Variants in ELAPOR2 observed in about 807,000 individuals in gnomAD.
ELAPOR2 encodes endosome-lysosome associated apoptosis and autophagy regulator family member 2, also known as endosome/lysosome-associated apoptosis and autophagy regulator family member 2.
A neutral mutation model predicts 120.7 loss-of-function variants in ELAPOR2; 89 were observed. The observed-to-expected ratio is 0.74, with a 90% CI of 0.62 to 0.88. The LOEUF is 0.88. Among genes scored for constraint, ELAPOR2 ranks in the 40% least tolerant of loss-of-function variants. ELAPOR2 has a pLI of 0.00. For synonymous variants in ELAPOR2, 444 were observed against 444.9 expected (o/e 1.00, Z 0.03); for missense variants, 1,134 against 1,251.6 (o/e 0.91, Z 1.42).
intron 1 of ELAPOR2, among the ~76,000 whole-genome samples, chr7:86,996,844 T>C: frequency 1.3e-5 from 2 of 152,152 alleles, no homozygotes; most frequent in Non-Finnish European, 2.9e-5. Flanking sequence ...CAAACACTAA[T>C]CTTTTTATCC....
At chr7:86,897,414 T>C in intron 19 of ELAPOR2, 92 bp downstream of exon 19, 1 of 1,438,384 alleles carries the variant, frequency 7.0e-7, no homozygotes, top group South Asian at 1.4e-5. Context: ...AATACAAGCT[T>C]TTGCCATACT....
intron 8 of ELAPOR2, among the ~76,000 whole-genome samples, chr7:86,929,492 T>G (rs1214370423): frequency 6.6e-6 from 1 of 151,920 alleles, no homozygotes; most frequent in African/African-American, 2.4e-5. Context: ...CACTGGGCAC[T>G]CATCATTTGT....
intron 8 of ELAPOR2, among the ~76,000 whole-genome samples, chr7:86,937,200 C>T (rs1258052829): frequency 6.6e-6 from 1 of 151,918 alleles, no homozygotes; most frequent in Admixed American, 6.6e-5. Context: ...TTGCAATTTG[C>T]CACTAATTTA....
At chr7:86,947,148 G>C (rs1488576268) in intron 3 of ELAPOR2, among the ~76,000 whole-genome samples, 1 of 152,154 alleles carries the variant, frequency 6.6e-6, no homozygotes, top group Non-Finnish European at 1.5e-5. Flanking sequence ...CATATGAAAG[G>C]AAATGTTACA....
At chr7:86,899,773 A>G (rs1788627917) in intron 18 of ELAPOR2, among the ~76,000 whole-genome samples, 2 of 152,128 alleles carry the variant, frequency 1.3e-5, no homozygotes, top group South Asian at 2.1e-4. Context: ...GCCCTATGCC[A>G]TATGTCAGGG....
At chr7:87,033,457 TA>T (rs1321804687) in intron 1 of ELAPOR2, among the ~76,000 whole-genome samples, 1 of 152,038 alleles carries the variant, frequency 6.6e-6, no homozygotes, top group Non-Finnish European at 1.5e-5. Context: ...AATTAAAAGG[TA>T]AAGTGGTTGG....
intron 1 of ELAPOR2, among the ~76,000 whole-genome samples, chr7:87,019,529 A>G (rs1793975397): frequency 6.6e-6 from 1 of 152,200 alleles, no homozygotes; most frequent in South Asian, 2.1e-4. Context: ...AAAGTCATTA[A>G]GCAGGCATTC....
intron 11 of ELAPOR2, 89 bp downstream of exon 11, chr7:86,919,131 T>C: frequency 1.2e-6 from 1 of 818,408 alleles, no homozygotes; most frequent in Non-Finnish European, 2.0e-6. Flanking sequence ...AATATTAATA[T>C]GTTCCATAAA....
At chr7:86,949,756 C>T (rs1398806484) in intron 2 of ELAPOR2, among the ~76,000 whole-genome samples, 1 of 152,244 alleles carries the variant, frequency 6.6e-6, no homozygotes, top group Non-Finnish European at 1.5e-5. Context: ...CCACCTCAGC[C>T]TCCTCCAGAC....
intron 8 of ELAPOR2, among the ~76,000 whole-genome samples, chr7:86,932,814 A>G (rs544079278): frequency 1.3e-5 from 2 of 151,976 alleles, no homozygotes; most frequent in South Asian, 4.1e-4. Flanking sequence ...TCTTCTTTGC[A>G]AGTAATTATT....
chr7:86,899,329 G>T (rs937987330), intron 18 of ELAPOR2, among the ~76,000 whole-genome samples: 6 of 152,114 alleles, frequency 3.9e-5, no homozygotes, highest in African/African-American at 1.4e-4. Flanking sequence ...ATTAAAACTA[G>T]AGGAATTTAA....
rs554847375 is a variant in ELAPOR2, at chr7:86,937,153, C to T, written c.1089+973G>A. 2.6e-5 allele frequency among the ~76,000 whole-genome samples: 4 copies of T among 152,142 alleles called. No individual in the cohort carries two copies. In the South Asian group the frequency reaches 8.3e-4, roughly 31 times the overall value. On this transcript the variant is annotated intron_variant, in intron 8 of 21. Coordinates refer to ENST00000450689, the MANE Select transcript of ELAPOR2 (RefSeq NM_001142749.3). ...AGTTAACAGCTGTTAGTTTGAGTTACTGTTCTTACTGAAAGTAATAGTTGT... is the reference window on the plus strand; with the variant it reads ...AGTTAACAGCTGTTAGTTTGAGTTATTGTTCTTACTGAAAGTAATAGTTGT...
intron 2 of ELAPOR2, among the ~76,000 whole-genome samples, chr7:86,959,022 G>A (rs73384113): frequency 0.093 from 12,253 of 131,588 alleles, 592 homozygotes; most frequent in African/African-American, 0.17. Context: ...ATCATTTTCA[G>A]TGTACAAGTC....
chr7:87,058,858 G>C (rs993196062), intron 1 of ELAPOR2, among the ~76,000 whole-genome samples: 3 of 152,126 alleles, frequency 2.0e-5, no homozygotes, highest in African/African-American at 7.2e-5. Flanking sequence ...CTGAGGGCAG[G>C]GGAGTAGGAC....
At chr7:86,953,133 T>C (rs952026407) in intron 2 of ELAPOR2, among the ~76,000 whole-genome samples, 10 of 151,522 alleles carry the variant, frequency 6.6e-5, no homozygotes, top group Non-Finnish European at 1.5e-5. Context: ...ATTGATAGTT[T>C]AATTCAGGGA....
At chr7:86,898,757 C>T (rs1328415189) in intron 18 of ELAPOR2, among the ~76,000 whole-genome samples, 5 of 151,922 alleles carry the variant, frequency 3.3e-5, no homozygotes, top group East Asian at 1.9e-4. Flanking sequence ...TCAAGAGCAA[C>T]GCAATGAGTG....
chr7:86,926,784 ATGATCCATTG>A lies in ELAPOR2; in HGVS notation c.1212_1221del (p.Asn405LeufsTer43), dbSNP rs1471236549. 2 of 1,611,996 alleles carry A rather than the reference ATGATCCATTG, an allele frequency of 1.2e-6. No homozygotes were observed. The highest frequency in any genetic ancestry group is 3.3e-5 in the Admixed American group (2 of 59,780). On this transcript the variant is annotated frameshift_variant, in exon 9 of 22. Coordinates refer to ENST00000450689, the MANE Select transcript of ELAPOR2 (RefSeq NM_001142749.3). LOFTEE classifies it high-confidence loss of function. ...CCAGGAGGACAGGGATGGCAAGAAG[ATGATCCATTG>A]TTATAAAATCCAGGGTTGCAAGGCG...
chr7:86,949,217 A>C (rs1791131317), intron 2 of ELAPOR2, among the ~76,000 whole-genome samples: 1 of 152,242 alleles, frequency 6.6e-6, no homozygotes, highest in Non-Finnish European at 1.5e-5. Flanking sequence ...CTGGCTACAT[A>C]GTCAAAACTG....
At chr7:86,950,617 C>A (rs550001908) in intron 2 of ELAPOR2, among the ~76,000 whole-genome samples, 1 of 152,334 alleles carries the variant, frequency 6.6e-6, no homozygotes, top group Admixed American at 6.5e-5. Context: ...TTGCTCCCCC[C>A]ACCGCAGCTG....
Sources: gnomAD v4.1 joint callset for allele counts (sites outside exome capture counted in the v4.1 genomes callset) on GRCh38, gnomAD v4.1.1 for gene constraint, MANE v1.5 for transcripts, NCBI Gene and HGNC (gene_info 2026-07-23, HGNC 2026-07-21) for gene names.